The following MARCHF1 variants were observed in gnomAD, a reference collection of about 807,000 sequenced individuals.
MARCHF1 encodes the protein membrane associated ring-CH-type finger 1.
In MARCHF1, 40 loss-of-function variants were observed where a neutral mutation model predicts 54.2. That is an observed-to-expected ratio of 0.74 (90% confidence interval 0.57 to 0.96). The LOEUF is 0.96. Among genes scored for constraint, MARCHF1 ranks in the 40% least tolerant of loss-of-function variants. The pLI is 0.00. For synonymous variants in MARCHF1, 236 were observed against 236.3 expected (o/e 1.00, Z 0.01); for missense variants, 586 against 656.5 (o/e 0.89, Z 1.17).
At chr4:164,148,178 T>C (rs1729820167) in intron 1 of MARCHF1, among the ~76,000 whole-genome samples, 1 of 148,400 alleles carries the variant, frequency 6.7e-6, no homozygotes, top group Non-Finnish European at 1.5e-5. Flanking sequence ...CACTCACGAA[T>C]TCAACCAAGA....
chr4:163,771,853 A>G (rs1039022884), intron 4 of MARCHF1, among the ~76,000 whole-genome samples: 3 of 152,218 alleles, frequency 2.0e-5, no homozygotes, highest in African/African-American at 7.2e-5. Flanking sequence ...GAGAAACACG[A>G]AACAAAGTAC....
chr4:164,018,239 T>C (rs1043627889), intron 2 of MARCHF1, among the ~76,000 whole-genome samples: 1 of 151,812 alleles, frequency 6.6e-6, no homozygotes, highest in Non-Finnish European at 1.5e-5. Flanking sequence ...TTTGGCTAAG[T>C]AAATTTTTTT....
At chr4:163,628,954 T>G (rs982883470) in intron 5 of MARCHF1, among the ~76,000 whole-genome samples, 1 of 152,190 alleles carries the variant, frequency 6.6e-6, no homozygotes, top group Non-Finnish European at 1.5e-5. Flanking sequence ...AGAATCAATA[T>G]TGTGAAAATG....
At chr4:163,753,426 A>G (rs896103877) in intron 4 of MARCHF1, among the ~76,000 whole-genome samples, 2 of 152,190 alleles carry the variant, frequency 1.3e-5, no homozygotes, top group African/African-American at 4.8e-5. Context: ...TTGAAGAACA[A>G]TGTGCTATTT....
At chr4:164,067,110 T>G (rs968275317) in intron 2 of MARCHF1, among the ~76,000 whole-genome samples, 1 of 152,150 alleles carries the variant, frequency 6.6e-6, no homozygotes, top group African/African-American at 2.4e-5. Flanking sequence ...GTATGTTGTG[T>G]CCCTATTTTC....
At chr4:164,070,939 A>T (rs1381239855) in intron 2 of MARCHF1, among the ~76,000 whole-genome samples, 1 of 152,140 alleles carries the variant, frequency 6.6e-6, no homozygotes, top group Non-Finnish European at 1.5e-5. Context: ...GTCTTATGAG[A>T]TCTGACGGGT....
At chr4:164,284,242 G>T (rs1345204408) in intron 1 of MARCHF1, among the ~76,000 whole-genome samples, 1 of 150,552 alleles carries the variant, frequency 6.6e-6, no homozygotes, top group Non-Finnish European at 1.5e-5. Flanking sequence ...CCTTGGATAT[G>T]TAAGTATAGG....
At chr4:164,003,851 G>C (rs1268157932) in intron 2 of MARCHF1, among the ~76,000 whole-genome samples, 3 of 152,070 alleles carry the variant, frequency 2.0e-5, no homozygotes, top group African/African-American at 7.2e-5. Context: ...GTTTATTGCA[G>C]CACTATTCAC....
intron 4 of MARCHF1, among the ~76,000 whole-genome samples, chr4:163,827,583 C>A (rs1494290): frequency 0.79 from 120,159 of 152,030 alleles, 48,503 homozygotes; most frequent in South Asian, 0.91. Flanking sequence ...AAGCAGAGCA[C>A]CCCTCTGTGT....
At chr4:164,276,947 T>TATATATATATAGAGAGAGAG (rs1392528920) in intron 1 of MARCHF1, among the ~76,000 whole-genome samples, 3 of 118,802 alleles carry the variant, frequency 2.5e-5, no homozygotes, top group East Asian at 5.0e-4. Context: ...TATATATATA[T>TATATATATATAGAGAGAGAG]AGAGAGAGAG....
chr4:164,054,847 G>T (rs1754453510), intron 2 of MARCHF1, among the ~76,000 whole-genome samples: 1 of 149,998 alleles, frequency 6.7e-6, no homozygotes, highest in Admixed American at 6.6e-5. Context: ...GTTAGTGGGT[G>T]CAGTGCACCA....
intron 9 of MARCHF1, among the ~76,000 whole-genome samples, chr4:163,531,421 A>C (rs946404110): frequency 4.6e-5 from 7 of 151,864 alleles, no homozygotes; most frequent in South Asian, 4.1e-4. Context: ...ACGACGCTCA[A>C]TCATGATAAA....
chr4:164,048,064 A>C (rs1754278247), intron 2 of MARCHF1, among the ~76,000 whole-genome samples: 1 of 152,196 alleles, frequency 6.6e-6, no homozygotes, highest in Non-Finnish European at 1.5e-5. Flanking sequence ...AACAAAACAA[A>C]AGCTCAATAC....
chr4:163,711,632 A>G (rs186688034), intron 4 of MARCHF1, among the ~76,000 whole-genome samples: 3 of 152,274 alleles, frequency 2.0e-5, no homozygotes, highest in South Asian at 2.1e-4. Flanking sequence ...TTGCCCCACA[A>G]TTGGAGGTCT....
intron 1 of MARCHF1, among the ~76,000 whole-genome samples, chr4:164,154,676 C>T (rs559545445): frequency 6.6e-6 from 1 of 152,172 alleles, no homozygotes; most frequent in African/African-American, 2.4e-5. Context: ...GGGTAGGAGT[C>T]TGAGACTCCC....
Position 163,732,181 on chromosome 4 carries a change from A to G in MARCHF1, c.112-31318T>C, listed in dbSNP as rs185473526. Among the ~76,000 whole-genome samples, 453 of 151,574 alleles carry G rather than the reference A, an allele frequency of 3.0e-3. 3 individuals carry two copies. Among genetic ancestry groups the G allele is most frequent in the African/African-American group, 0.011 (438 of 41,468 alleles). Reference sequence around the variant, plus strand: ...TTATTAATCATATAATTATATTATTAATATATAAACTTAGAGATATGAAAG... The same window carrying G: ...TTATTAATCATATAATTATATTATTGATATATAAACTTAGAGATATGAAAG... On this transcript the variant is annotated intron_variant, in intron 4 of 9. Transcript: ENST00000514618.
At chr4:164,042,539 A>G (rs28723400) in intron 2 of MARCHF1, among the ~76,000 whole-genome samples, 1 of 151,932 alleles carries the variant, frequency 6.6e-6, no homozygotes, top group East Asian at 1.9e-4. Flanking sequence ...CCAATCACCT[A>G]CCACTAAGCC....
chr4:163,913,440 T>C (rs1751239102), intron 3 of MARCHF1, among the ~76,000 whole-genome samples: 1 of 152,172 alleles, frequency 6.6e-6, no homozygotes, highest in Admixed American at 6.6e-5. Flanking sequence ...AGCAATGTTT[T>C]TTCAGTGCTC....
At chr4:163,940,694 T>C (rs1317878179) in intron 3 of MARCHF1, among the ~76,000 whole-genome samples, 1 of 152,116 alleles carries the variant, frequency 6.6e-6, no homozygotes, top group Non-Finnish European at 1.5e-5. Flanking sequence ...CTTAGTAAAA[T>C]TATAAACTAA....
Sources: allele counts gnomAD v4.1 joint callset (sites outside exome capture counted in the v4.1 genomes callset), GRCh38; gene constraint gnomAD v4.1.1; transcripts MANE v1.5; gene names NCBI Gene and HGNC (gene_info 2026-07-23, HGNC 2026-07-21).